The following LSR variants were observed in gnomAD, a reference collection of about 807,000 sequenced individuals.
The protein encoded by LSR is lipolysis-stimulated lipoprotein receptor.
In LSR, 44 loss-of-function variants were observed where a neutral mutation model predicts 61.8. That is an observed-to-expected ratio of 0.71 (90% CI 0.56 to 0.91). The LOEUF is 0.91. Ranked by LOEUF, LSR falls within the 40% of genes least tolerant of loss-of-function variation. The probability of loss-of-function intolerance (pLI) is 0.00; values close to 1 mark genes in which losing one functional copy is unlikely to be tolerated. For missense variants in LSR, 911 were observed against 830.5 expected, an observed-to-expected ratio of 1.10 and a Z score of -1.19; for synonymous variants, 397 against 350.6, an observed-to-expected ratio of 1.13 and a Z score of -1.48.
At chr19:35,250,184 A>T in intron 1 of LSR, 131 bp from the exon 2 acceptor site, 3 of 573,830 alleles carry the variant, frequency 5.2e-6, no homozygotes, top group Non-Finnish European at 8.9e-6. Flanking sequence ...CCTGGCAATT[A>T]AGGAACAATG....
chr19:35,259,702 G>A (rs1296955745), intron 3 of LSR, among the ~76,000 whole-genome samples: 1 of 152,092 alleles, frequency 6.6e-6, no homozygotes, highest in Non-Finnish European at 1.5e-5. Flanking sequence ...TTGATGGTGT[G>A]CAAAATCGAC....
chr19:35,251,180 G>A (rs962074775), intron 2 of LSR, among the ~76,000 whole-genome samples: 1 of 152,092 alleles, frequency 6.6e-6, no homozygotes, highest in African/African-American at 2.4e-5. Context: ...TCATATACCA[G>A]GTGCTGTTCT....
rs1325716141 is a variant in LSR, at chr19:35,266,716, C to T, written c.990C>T (p.Asp330=). 4 of 1,609,082 alleles carry T rather than the reference C, an allele frequency of 2.5e-6. No homozygotes were observed. The highest frequency in any genetic ancestry group is 3.4e-6 in the Non-Finnish European group (4 of 1,178,172). Reference sequence around the variant, plus strand: ...GCTCCTATGTACCCCTGCTTCGGGACACGGACAGCAGTGTGGCCTCTGGTG... The same window carrying T: ...GCTCCTATGTACCCCTGCTTCGGGATACGGACAGCAGTGTGGCCTCTGGTG... ...GQGSYVPLLR[D]TDSSVASEVR... The change falls in exon 7 of 10, where the codon GAC becomes GAT. Residue 330 remains aspartate, a synonymous_variant. Transcript: ENST00000605618.
In LSR at chr19:35,267,391, T is replaced by C; in HGVS notation, c.1427T>C (p.Met476Thr). 4 of 1,605,612 alleles carry C rather than the reference T, an allele frequency of 2.5e-6. No homozygotes were observed. Among genetic ancestry groups the C allele is most frequent in the Admixed American group, 1.7e-5 (1 of 59,288 alleles). Residue 476 changes from methionine to threonine, a missense_variant, in exon 9 of 10, where the codon ATG (methionine) becomes ACG (threonine). By Grantham distance (81) the Met-to-Thr change is moderately conservative (BLOSUM62 -1). Coordinates refer to ENST00000605618, the MANE Select transcript of LSR (RefSeq NM_205834.4). The stretch of plus-strand genomic sequence containing the variant: ...AATGGTGGGAGAAGCCGGGCCTACA[T>C]GCCCCCGCGGAGCCGCAGCCGGGAC... Reference protein sequence around the residue: ...TSNGGRSRAYMPPRSRSRDDL... With the variant: ...TSNGGRSRAYTPPRSRSRDDL...
chr19:35,267,892 T>G lies in LSR; in HGVS notation c.*33T>G, dbSNP rs748992101. The stretch of plus-strand genomic sequence containing the variant: ...TTTTCTACGTAGCTTTTGTATTTTT[T>G]TTTTTAATTTGAAGGAACACTGATG... On this transcript the variant is annotated 3_prime_UTR_variant, in exon 10 of 10. Coordinates refer to ENST00000605618, the MANE Select transcript of LSR (RefSeq NM_205834.4). 4 of 1,611,644 alleles carry G rather than the reference T, an allele frequency of 2.5e-6. No homozygotes were observed. In the East Asian group the frequency reaches 6.7e-5, roughly 27 times the overall value.
intron 2 of LSR, among the ~76,000 whole-genome samples, chr19:35,256,183 A>G (rs149694762): frequency 0.011 from 1,676 of 152,152 alleles, 27 homozygotes; most frequent in African/African-American, 0.039. Flanking sequence ...GCAGTGAGCC[A>G]AGATCGTGCC....
chr19:35,261,037 C>T (rs182610096), intron 3 of LSR, among the ~76,000 whole-genome samples: 2 of 152,332 alleles, frequency 1.3e-5, no homozygotes, highest in Admixed American at 1.3e-4. Flanking sequence ...TGCCTCTGTC[C>T]TGTTGCGAGG....
chr19:35,267,934 C>T lies in LSR; in HGVS notation c.*75C>T, dbSNP rs1185308783. On this transcript the variant is annotated 3_prime_UTR_variant, in exon 10 of 10. Coordinates refer to ENST00000605618, the MANE Select transcript of LSR (RefSeq NM_205834.4). ...ACACTGATGAAGCCCTGCCATACCC[C>T]TCCCGAGTCTAATAAAACGTATAAT... 6.0e-6 allele frequency: 9 copies of T among 1,504,578 alleles called. No homozygotes were observed. The highest frequency in any genetic ancestry group is 8.3e-6 in the Non-Finnish European group (9 of 1,085,298). 93.2% of individuals were successfully genotyped at this position (1,504,578 alleles called of 1,614,324 possible).
chr19:35,257,616 G>C (rs552590778), intron 2 of LSR, among the ~76,000 whole-genome samples: 1 of 152,138 alleles, frequency 6.6e-6, no homozygotes, highest in Non-Finnish European at 1.5e-5. Context: ...AGGGCAGCGC[G>C]TCCTTGGGAA....
chr19:35,259,922 G>A (rs1260151098), intron 3 of LSR, among the ~76,000 whole-genome samples: 1 of 152,258 alleles, frequency 6.6e-6, no homozygotes, highest in Non-Finnish European at 1.5e-5. Context: ...GGGGGATGTT[G>A]CCATCGGCCA....
chr19:35,260,683 C>G (rs887706329), intron 3 of LSR, among the ~76,000 whole-genome samples: 5 of 151,990 alleles, frequency 3.3e-5, no homozygotes, highest in Non-Finnish European at 7.4e-5. Flanking sequence ...TAAAATTAAC[C>G]AGGCATGGTG....
Position 35,267,284 on chromosome 19 carries a change from G to T in LSR, c.1320G>T (p.Arg440=). The change falls in exon 9 of 10, where the codon CGG becomes CGT. Residue 440 remains arginine, a synonymous_variant. Transcript: ENST00000605618. ...CAGGCGGGGGCTGGCGGGCCAGGCGGCCCCGGGCCCGCTCCGTGGACGCCC... is the reference window on the plus strand; with the variant it reads ...CAGGCGGGGGCTGGCGGGCCAGGCGTCCCCGGGCCCGCTCCGTGGACGCCC... ...EQAGGGWRAR[R]PRARSVDALD... is the part of the protein sequence containing the mutation. The T allele has an allele frequency of 3.3e-6, 5 of 1,518,910 alleles. No individual in the cohort carries two copies. The South Asian group carries it at 3.8e-5, about 11-fold the overall frequency. The allele number at this position is 1,518,910 out of a possible 1,614,324, so 94.1% of individuals were successfully genotyped here. A position where few individuals can be genotyped will look rare whatever the true frequency, so the allele number is the denominator to read the frequency against.
intron 2 of LSR, among the ~76,000 whole-genome samples, chr19:35,255,603 C>A (rs1477534791): frequency 6.6e-6 from 1 of 152,010 alleles, no homozygotes; most frequent in Non-Finnish European, 1.5e-5. Flanking sequence ...AAAAACAACA[C>A]CAACAACAAA....
intron 2 of LSR, among the ~76,000 whole-genome samples, chr19:35,252,992 G>C (rs916633082): frequency 2.6e-5 from 4 of 151,968 alleles, no homozygotes; most frequent in Non-Finnish European, 4.4e-5. Context: ...CTGCATTCCA[G>C]CCTGGGTGAC....
rs1351911755 is a variant in LSR, at chr19:35,262,664, C to T, written c.750C>T (p.Cys250=). ...GCTGCTACGTCAGGTGCCCCTGCTG[C>T]CCAGACAAGTGCTGCTGCCCCGAGG... is the stretch of plus-strand genomic sequence containing the variant. ...TCCCYVRCPC[C]PDKCCCPEAL... is the part of the protein sequence containing the mutation. Residue 250 remains cysteine (C), a synonymous_variant, in exon 5 of 10, where the codon TGC becomes TGT. Transcript: ENST00000605618. 1 of 1,614,054 alleles carries T rather than the reference C, an allele frequency of 6.2e-7. No individual in the cohort carries two copies. The highest frequency in any genetic ancestry group is 8.5e-7 in the Non-Finnish European group (1 of 1,180,006).
chr19:35,263,364 AATTT>A lies in LSR; in HGVS notation c.778+673_778+676del, dbSNP rs937900159. Among the ~76,000 whole-genome samples the A allele has an allele frequency of 6.8e-4, 104 of 152,164 alleles. 1 individual carries two copies. Among genetic ancestry groups the A allele is most frequent in the African/African-American group, 2.4e-3 (100 of 41,518 alleles). On this transcript the variant is annotated intron_variant, in intron 5 of 9. Transcript: ENST00000605618. ...AACACTACATGATTTAAGCAAAAAA[AATTT>A]TTTTTGTTTTAGAGAAAGGGTCTCA... is the stretch of plus-strand genomic sequence containing the variant.
In LSR at chr19:35,249,072, C is replaced by T. The variant is rs2065755316; in HGVS notation, c.50C>T (p.Ala17Val). Residue 17 changes from alanine to valine, a missense_variant, in exon 1 of 10, where the codon GCC becomes GTC. By Grantham distance (64) the Ala-to-Val change is moderately conservative (BLOSUM62 0). Coordinates refer to ENST00000605618, the MANE Select transcript of LSR (RefSeq NM_205834.4). ...GLSRGLGSHP[A>V]AAGRDAVVFV... ...TCCAGAGGGCTGGGCTCCCACCCGG[C>T]CGCCGCAGGCCGGGACGCGGTCGTC... The T allele has an allele frequency of 6.4e-6, 10 of 1,563,000 alleles. No individual in the cohort carries two copies. Among genetic ancestry groups the T allele is most frequent in the African/African-American group, 1.4e-5 (1 of 73,666 alleles).
At chr19:35,262,410 AG>A (rs1283845807) in intron 4 of LSR, 135 bp from the exon 5 acceptor site, 1 of 991,002 alleles carries the variant, frequency 1.0e-6, no homozygotes, top group Non-Finnish European at 1.5e-6. Flanking sequence ...AAATCCAGCC[AG>A]GGCTGCAGGT....
chr19:35,259,785 GC>G (rs1305163210), intron 3 of LSR, among the ~76,000 whole-genome samples: 1 of 152,252 alleles, frequency 6.6e-6, no homozygotes, highest in African/African-American at 2.4e-5. Flanking sequence ...TTTGCCGTGT[GC>G]CCTGCTGGGA....
Sources: allele counts gnomAD v4.1 joint callset (sites outside exome capture counted in the v4.1 genomes callset), GRCh38; gene constraint gnomAD v4.1.1; transcripts MANE v1.5; gene names NCBI Gene and HGNC (gene_info 2026-07-23, HGNC 2026-07-21).